The following COL4A4 variants were observed in gnomAD, a reference collection of about 807,000 sequenced individuals.
The protein encoded by COL4A4 is collagen alpha-4(IV) chain.
Under a neutral mutation model 192.9 loss-of-function variants are expected in COL4A4, and 105 were observed. The observed-to-expected ratio is 0.54, with a 90% confidence interval of 0.46 to 0.64. COL4A4 has a LOEUF of 0.64. COL4A4 is among the 30% of genes least tolerant of loss of function. The probability of loss-of-function intolerance (pLI) is 0.00; values close to 1 mark genes in which losing one functional copy is unlikely to be tolerated. For missense variants in COL4A4, 1,967 were observed against 2,169.3 expected (o/e 0.91, Z 1.85); for synonymous variants, 762 against 769.9 (o/e 0.99, Z 0.17).
At chr2:226,987,854 T>G in the COL4A4 span, among the ~76,000 whole-genome samples, 2 of 152,184 alleles carry the variant, frequency 1.3e-5, no homozygotes, top group African/African-American at 4.8e-5. Context: ...TGCATCAGAA[T>G]CTGTGGTGAG....
chr2:227,129,563 C>A (rs1455751090), intron 4 of COL4A4, among the ~76,000 whole-genome samples: 1 of 152,098 alleles, frequency 6.6e-6, no homozygotes, highest in Non-Finnish European at 1.5e-5. Context: ...CGGCCACCAC[C>A]ACGCCTGGCT....
intron 1 of COL4A4, among the ~76,000 whole-genome samples, chr2:227,154,713 G>A (rs964066343): frequency 2.6e-5 from 4 of 152,082 alleles, no homozygotes; most frequent in African/African-American, 7.2e-5. Context: ...CAGAATTCTC[G>A]AATATTCAGC....
chr2:227,047,438 CT>C (rs745930446), intron 35 of COL4A4, 36 bp downstream of exon 35: 66 of 1,484,680 alleles, frequency 4.4e-5, no homozygotes, highest in Non-Finnish European at 5.7e-5. Flanking sequence ...AACTAAACTA[CT>C]TTTTTTGTTT....
At chr2:227,084,392 C>A (rs1458394172) in intron 22 of COL4A4, among the ~76,000 whole-genome samples, 1 of 152,052 alleles carries the variant, frequency 6.6e-6, no homozygotes, top group Non-Finnish European at 1.5e-5. Flanking sequence ...TGAACCCATC[C>A]CAGGAGTCTG....
At chr2:227,108,520 C>T in intron 12 of COL4A4, 61 bp downstream of exon 12, 3 of 1,502,792 alleles carry the variant, frequency 2.0e-6, no homozygotes, top group East Asian at 4.5e-5. Context: ...AGAACAGCCT[C>T]CACCCCTGAG....
intron 46 of COL4A4, 94 bp from the exon 47 acceptor site, chr2:227,008,398 G>T: frequency 1.4e-6 from 2 of 1,415,370 alleles, no homozygotes; most frequent in Non-Finnish European, 2.0e-6. Context: ...GCAGATACGT[G>T]TTCTGAAATC....
intron 37 of COL4A4, among the ~76,000 whole-genome samples, chr2:227,033,743 T>C (rs1968924490): frequency 6.6e-6 from 1 of 152,274 alleles, no homozygotes; most frequent in Non-Finnish European, 1.5e-5. Flanking sequence ...GATCCTATCG[T>C]GACCAGATAT....
rs73091454 is a variant in COL4A4, at chr2:227,033,942, T to C, written c.3506-461A>G. ...TCAGGATCTACTCATGGAGATGCAG[T>C]CAGACGAGAGGACGCATGGCGCCTG... On this transcript the variant is annotated intron_variant, in intron 37 of 47. Coordinates refer to ENST00000396625, the MANE Select transcript of COL4A4 (RefSeq NM_000092.5). Among the ~76,000 whole-genome samples the C allele has an allele frequency of 6.2e-3, 948 of 152,298 alleles. 13 individuals carry two copies. The highest frequency in any genetic ancestry group is 0.021 in the African/African-American group (893 of 41,562).
At chr2:227,109,347 G>GATGATT in intron 9 of COL4A4, 61 bp from the exon 10 acceptor site, 1 of 1,353,128 alleles carries the variant, frequency 7.4e-7, no homozygotes, top group Non-Finnish European at 1.1e-6. Flanking sequence ...TTCACAGAAA[G>GATGATT]AGTTGCGTGT....
Position 227,059,629 on chromosome 2 carries a change from T to C in COL4A4, c.2165-6A>G. The C allele has an allele frequency of 1.9e-6, 3 of 1,611,538 alleles. No individual in the cohort carries two copies. In the South Asian group the frequency reaches 3.3e-5, roughly 18 times the overall value. On this transcript the variant is annotated splice_polypyrimidine_tract_variant and splice_region_variant and intron_variant, in intron 27 of 47. Coordinates refer to ENST00000396625, the MANE Select transcript of COL4A4 (RefSeq NM_000092.5). The stretch of plus-strand genomic sequence containing the variant: ...TCCCATGTCACCACGAAAACCTATT[T>C]AACAACAAAAAAAAATTTTTAATGA...
the COL4A4 span, among the ~76,000 whole-genome samples, chr2:226,979,746 T>C: frequency 1.3e-5 from 2 of 152,164 alleles, no homozygotes; most frequent in African/African-American, 4.8e-5. Context: ...TGTCGGTCAG[T>C]CTCTGGCAAC....
At chr2:227,017,237 G>A (rs189705321) in intron 44 of COL4A4, among the ~76,000 whole-genome samples, 26 of 152,290 alleles carry the variant, frequency 1.7e-4, no homozygotes, top group East Asian at 7.7e-4. Flanking sequence ...CACACCAGAC[G>A]TTATCACGTG....
At position 227,057,467 on chromosome 2, in the gene COL4A4, C is replaced by T. The variant is rs751351403; in HGVS notation, c.2517G>A (p.Pro839=). The T allele has an allele frequency of 2.7e-5, 43 of 1,610,132 alleles. No homozygotes were observed. The highest frequency in any genetic ancestry group is 1.7e-4 in the Middle Eastern group (1 of 6,054). The change falls in exon 29 of 48, where the codon CCG becomes CCA. Residue 839 remains proline (P), a synonymous_variant. Coordinates refer to ENST00000396625, the MANE Select transcript of COL4A4 (RefSeq NM_000092.5). ...GGCTACCTGGATACCCAGGGAGTCC[C>T]GGTTGCCCTGGTATCCCTGGAGCAC... ...ERGAPGIPGQ[P]GLPGYPGSPG... is the part of the protein sequence containing the mutation.
At chr2:227,094,082 A>G (rs759329259) in intron 20 of COL4A4, 43 bp downstream of exon 20, 3 of 1,562,952 alleles carry the variant, frequency 1.9e-6, no homozygotes, top group Admixed American at 3.4e-5. Flanking sequence ...CAAATATCAA[A>G]AGCAGCATAA....
intron 25 of COL4A4, among the ~76,000 whole-genome samples, chr2:227,074,854 G>A (rs1481681917): frequency 6.6e-6 from 1 of 152,156 alleles, no homozygotes; most frequent in Non-Finnish European, 1.5e-5. Context: ...TAAGTGATGA[G>A]TATGCAAAGG....
rs575190222 is a variant in COL4A4 at position 227,025,362 on chromosome 2, G to A, written c.4090+440C>T. 3.9e-5 allele frequency among the ~76,000 whole-genome samples: 6 copies of A among 152,318 alleles called. No homozygotes were observed. In the South Asian group the frequency reaches 1.2e-3, roughly 32 times the overall value. On this transcript the variant is annotated intron_variant, in intron 43 of 47. Coordinates refer to ENST00000396625, the MANE Select transcript of COL4A4 (RefSeq NM_000092.5). The stretch of plus-strand genomic sequence containing the variant: ...AAATGTGCTCCTTGAAAATGGACTT[G>A]AGGGTGTGATAGGAAAGGCTTGTCA...
chr2:227,014,492 G>A (rs1285203491), intron 44 of COL4A4, among the ~76,000 whole-genome samples: 1 of 152,130 alleles, frequency 6.6e-6, no homozygotes, highest in African/African-American at 2.4e-5. Flanking sequence ...ATTCTACTCA[G>A]GGAATTTAGT....
At position 227,123,815 on chromosome 2, in the gene COL4A4, G is replaced by A. The variant is rs994900595; in HGVS notation, c.193-2667C>T. On this transcript the variant is annotated intron_variant, in intron 4 of 47. Coordinates refer to ENST00000396625, the MANE Select transcript of COL4A4 (RefSeq NM_000092.5). This position sits in a 1 kb window ranked among gnomAD's most constrained non-coding sequence, Gnocchi z 4.6. Reference sequence around the variant, plus strand: ...CCAGCAAAGTCCATCTGTTCAGGCCGACATAGAACATCCTCCCCAAGCTCA... The same window carrying A: ...CCAGCAAAGTCCATCTGTTCAGGCCAACATAGAACATCCTCCCCAAGCTCA... Among the ~76,000 whole-genome samples the A allele has an allele frequency of 3.9e-5, 6 of 152,178 alleles. No homozygotes were observed. Among genetic ancestry groups the A allele is most frequent in the Non-Finnish European group, 5.9e-5 (4 of 68,038 alleles).
chr2:227,053,569 A>T, intron 31 of COL4A4, among the ~76,000 whole-genome samples: 1 of 125,984 alleles, frequency 7.9e-6, no homozygotes, highest in South Asian at 2.5e-4. Context: ...TTTTTTGGAG[A>T]CAGAATCTCA....
Sources: gnomAD v4.1 joint callset for allele counts (sites outside exome capture counted in the v4.1 genomes callset) on GRCh38, gnomAD v4.1.1 for gene constraint, Gnocchi (gnomAD v3.1) non-coding constraint, MANE v1.5 for transcripts, NCBI Gene and HGNC (gene_info 2026-07-23, HGNC 2026-07-21) for gene names.